Variants in GARIN6 observed in about 807,000 individuals in gnomAD.
GARIN6 encodes the protein Golgi-associated RAB2 interactor protein 6.
chr12:99,648,939 G>A, the GARIN6 span: 5 of 1,123,864 alleles, frequency 4.4e-6, no homozygotes, highest in African/African-American at 1.6e-5. Flanking sequence ...TGGAGGCCAT[G>A]GTACATTGAG....
chr12:99,648,170 A>C, the GARIN6 span: 1 of 1,607,478 alleles, frequency 6.2e-7, no homozygotes, highest in Non-Finnish European at 8.5e-7. Context: ...GATTTAAAGG[A>C]AGACATGGAG....
At chr12:99,648,282 G>C in the GARIN6 span, 37 of 1,614,076 alleles carry the variant, frequency 2.3e-5, no homozygotes, top group East Asian at 8.9e-5. Flanking sequence ...ACAAAGGCGA[G>C]TATACTATAT....
chr12:99,648,473 G>A, the GARIN6 span: 1 of 1,614,054 alleles, frequency 6.2e-7, no homozygotes, highest in Non-Finnish European at 8.5e-7. Context: ...AATGCCAGGT[G>A]TGGTCCTGCC....
the GARIN6 span, chr12:99,648,532 C>A: frequency 1.2e-6 from 2 of 1,614,192 alleles, no homozygotes; most frequent in Non-Finnish European, 1.7e-6. Flanking sequence ...ACTAACCAGG[C>A]TGCTTCCCTT....
At chr12:99,648,503 C>T in the GARIN6 span, 195 of 1,614,104 alleles carry the variant, frequency 1.2e-4, 1 homozygote, top group African/African-American at 1.9e-3. Context: ...AGAGAAAGTC[C>T]GCCTGCAGAG....
the GARIN6 span, among the ~76,000 whole-genome samples, chr12:99,649,023 T>C: frequency 1.3e-5 from 2 of 152,330 alleles, no homozygotes; most frequent in Admixed American, 6.5e-5. Context: ...CAACTCTTCA[T>C]TTTATATCCA....
chr12:99,648,220 C>T, the GARIN6 span: 1 of 1,614,108 alleles, frequency 6.2e-7, no homozygotes, highest in Non-Finnish European at 8.5e-7. Context: ...CCAAAGCAGC[C>T]CCGCAATGGG....
At chr12:99,648,058 G>A in the GARIN6 span, 1 of 1,413,674 alleles carries the variant, frequency 7.1e-7, no homozygotes, top group South Asian at 1.4e-5. Flanking sequence ...AAGAAAGCCT[G>A]CAGAACACGA....
the GARIN6 span, chr12:99,648,605 C>A: frequency 6.2e-7 from 1 of 1,614,204 alleles, no homozygotes; most frequent in South Asian, 1.1e-5. Context: ...AAGCTTGCCA[C>A]GGGCCGCTCT....
chr12:99,648,715 A>G, the GARIN6 span: 1 of 1,614,086 alleles, frequency 6.2e-7, no homozygotes, highest in Non-Finnish European at 8.5e-7. Flanking sequence ...GGAGGCTTAC[A>G]GTGATACCAG....
chr12:99,648,357 C>G, the GARIN6 span: 2 of 1,614,190 alleles, frequency 1.2e-6, no homozygotes, highest in South Asian at 2.2e-5. Context: ...AAGTGATTGA[C>G]GTGCACAACC....
the GARIN6 span, chr12:99,648,090 T>A: frequency 6.6e-7 from 1 of 1,520,766 alleles, no homozygotes; most frequent in Non-Finnish European, 8.8e-7. Flanking sequence ...CCTGCCAGAG[T>A]AGCCAAGGAA....
chr12:99,648,216 C>G, the GARIN6 span: 1 of 1,614,144 alleles, frequency 6.2e-7, no homozygotes, highest in Non-Finnish European at 8.5e-7. Flanking sequence ...CGGCCCAAAG[C>G]AGCCCCGCAA....
chr12:99,649,162 T>C, the GARIN6 span: 4 of 769,696 alleles, frequency 5.2e-6, no homozygotes, highest in African/African-American at 5.1e-5. Flanking sequence ...TTGCCACTTA[T>C]ATACATTGGT....
chr12:99,648,570 C>T, the GARIN6 span: 1 of 1,614,180 alleles, frequency 6.2e-7, no homozygotes, highest in South Asian at 1.1e-5. Context: ...CCATCCACAA[C>T]AGCGTAAAAA....
chr12:99,648,497 A>G, the GARIN6 span: 2 of 1,614,064 alleles, frequency 1.2e-6, no homozygotes, highest in Admixed American at 1.7e-5. Flanking sequence ...CAGAAAAGAG[A>G]AAGTCCGCCT....
the GARIN6 span, chr12:99,648,364 A>G: frequency 1.2e-6 from 2 of 1,614,192 alleles, no homozygotes. Flanking sequence ...TGACGTGCAC[A>G]ACCGTGCCCG....
chr12:99,649,346 T>A, the GARIN6 span: 82 of 1,614,068 alleles, frequency 5.1e-5, no homozygotes, highest in Non-Finnish European at 6.8e-5. Context: ...AGACTTCACA[T>A]GAATGCTGAA....
chr12:99,647,864 C>T, the GARIN6 span: 7 of 342,518 alleles, frequency 2.0e-5, no homozygotes, highest in South Asian at 2.8e-4. Flanking sequence ...AATGGAGGTC[C>T]CTCCCGAATG....
Sources: allele counts gnomAD v4.1 joint callset (sites outside exome capture counted in the v4.1 genomes callset), GRCh38; gene constraint gnomAD v4.1.1; transcripts MANE v1.5; gene names NCBI Gene and HGNC (gene_info 2026-07-23, HGNC 2026-07-21).